PTPRM: variants seen among roughly 807,000 people sequenced by gnomAD.
The protein encoded by PTPRM is protein tyrosine phosphatase receptor type M.
In PTPRM, 47 loss-of-function variants were observed where a neutral mutation model predicts 186.7. The observed-to-expected ratio is 0.25, with a 90% CI of 0.20 to 0.32. The LOEUF (loss-of-function observed/expected upper bound fraction) is 0.32. Ranked by LOEUF, PTPRM falls within the 10% of genes least tolerant of loss-of-function variation. The pLI is 1.00. For missense variants in PTPRM, 1,494 were observed against 1,865.0 expected (o/e 0.80, Z 3.66); for synonymous variants, 668 against 674.9 (o/e 0.99, Z 0.16).
At chr18:8,313,714 AGT>A (rs975314176) in intron 20 of PTPRM, among the ~76,000 whole-genome samples, 1 of 152,074 alleles carries the variant, frequency 6.6e-6, no homozygotes, top group African/African-American at 2.4e-5. Flanking sequence ...CACGGTACCC[AGT>A]GTGTAGTCTT....
chr18:8,392,363 A>G (rs569071316), intron 31 of PTPRM, among the ~76,000 whole-genome samples: 56 of 152,202 alleles, frequency 3.7e-4, no homozygotes, highest in Middle Eastern at 3.4e-3. Context: ...GGTGGCTCAC[A>G]CCTGTAATCC....
At chr18:7,704,740 T>C (rs1422052614) in intron 1 of PTPRM, among the ~76,000 whole-genome samples, 1 of 152,162 alleles carries the variant, frequency 6.6e-6, no homozygotes, top group Non-Finnish European at 1.5e-5. Context: ...TTTATATCAA[T>C]AGGCAATGAA....
At chr18:7,648,592 T>C (rs1051873303) in intron 1 of PTPRM, among the ~76,000 whole-genome samples, 3 of 152,184 alleles carry the variant, frequency 2.0e-5, no homozygotes, top group Non-Finnish European at 4.4e-5. Flanking sequence ...TTATTGCTGA[T>C]ATGGATAATG....
intron 1 of PTPRM, among the ~76,000 whole-genome samples, chr18:7,671,868 A>T (rs895980173): frequency 5.3e-5 from 8 of 152,198 alleles, no homozygotes; most frequent in African/African-American, 1.7e-4. Context: ...CTAAAAATGT[A>T]CAAGTGGTAG....
chr18:7,913,545 G>A (rs529347535), intron 4 of PTPRM, among the ~76,000 whole-genome samples: 8 of 152,010 alleles, frequency 5.3e-5, no homozygotes, highest in African/African-American at 1.4e-4. Flanking sequence ...AATGCTGTTG[G>A]GTTTTAGCAA....
chr18:8,252,546 AGT>A, intron 18 of PTPRM, 47 bp downstream of exon 18: 1 of 1,517,986 alleles, frequency 6.6e-7, no homozygotes, highest in Non-Finnish European at 9.2e-7. Context: ...AGGGAGTGGG[AGT>A]GTGTGTCTTA....
intron 1 of PTPRM, among the ~76,000 whole-genome samples, chr18:7,579,809 A>G (rs940375342): frequency 1.3e-5 from 2 of 152,206 alleles, no homozygotes; most frequent in Non-Finnish European, 2.9e-5. Context: ...TTAGTCCTTT[A>G]CTTCATGTTC....
At chr18:7,906,134 A>G (rs1254660337) in intron 3 of PTPRM, among the ~76,000 whole-genome samples, 1 of 152,116 alleles carries the variant, frequency 6.6e-6, no homozygotes, top group Non-Finnish European at 1.5e-5. Flanking sequence ...TGGTGTCCCC[A>G]TCTTCCACCC....
chr18:7,641,677 T>C (rs2038447302), intron 1 of PTPRM, among the ~76,000 whole-genome samples: 1 of 152,238 alleles, frequency 6.6e-6, no homozygotes, highest in Non-Finnish European at 1.5e-5. Flanking sequence ...AAAATAGTGA[T>C]TAATCAAAGC....
At position 7,652,769 on chromosome 18, in the gene PTPRM, G is replaced by A. The variant is rs915888557; in HGVS notation, c.73+84878G>A. Among the ~76,000 whole-genome samples the A allele has an allele frequency of 4.4e-3, 498 of 113,938 alleles. 3 individuals carry two copies. Among genetic ancestry groups the A allele is most frequent in the African/African-American group, 0.016 (472 of 30,246 alleles). The allele number at this position is 113,938 out of a possible 152,430, so 74.7% of individuals were successfully genotyped here. On this transcript the variant is annotated intron_variant, in intron 1 of 32. Coordinates refer to ENST00000580170, the MANE Select transcript of PTPRM (RefSeq NM_001105244.2). ...GGACTGTTGTGGGGTGGGGGGAGGG[G>A]GGAGGGATAGCATTGGGAGATATAC...
chr18:8,199,380 A>C (rs1438985633), intron 14 of PTPRM, among the ~76,000 whole-genome samples: 1 of 152,154 alleles, frequency 6.6e-6, no homozygotes, highest in Non-Finnish European at 1.5e-5. Flanking sequence ...TTCAGGCTTC[A>C]CAGGTCTTGG....
At chr18:7,681,995 A>G (rs972830986) in intron 1 of PTPRM, among the ~76,000 whole-genome samples, 4 of 152,204 alleles carry the variant, frequency 2.6e-5, no homozygotes, top group African/African-American at 4.8e-5. Flanking sequence ...TAGGAGCACT[A>G]TATCAGTGCT....
At chr18:8,246,597 G>T (rs555871448) in intron 15 of PTPRM, among the ~76,000 whole-genome samples, 42 of 152,166 alleles carry the variant, frequency 2.8e-4, no homozygotes, top group African/African-American at 9.9e-4. Flanking sequence ...TAATAAAAAG[G>T]CTTTATTCTC....
chr18:8,398,808 G>C (rs965576599), intron 32 of PTPRM, among the ~76,000 whole-genome samples: 1 of 151,268 alleles, frequency 6.6e-6, no homozygotes, highest in African/African-American at 2.4e-5. Flanking sequence ...GTCACAAAAG[G>C]CCACATATTC....
At chr18:8,348,042 T>C (rs1435471569) in intron 23 of PTPRM, among the ~76,000 whole-genome samples, 2 of 152,230 alleles carry the variant, frequency 1.3e-5, no homozygotes, top group Admixed American at 1.3e-4. Context: ...TCCTGCACAT[T>C]TGTTTACAGA....
At chr18:8,187,761 G>T (rs1002628307) in intron 14 of PTPRM, among the ~76,000 whole-genome samples, 1 of 152,192 alleles carries the variant, frequency 6.6e-6, no homozygotes, top group Non-Finnish European at 1.5e-5. Context: ...GGCAACCATG[G>T]GGTCTGGAAC....
intron 13 of PTPRM, among the ~76,000 whole-genome samples, chr18:8,142,349 G>A (rs2092785127): frequency 6.6e-6 from 1 of 152,100 alleles, no homozygotes; most frequent in Non-Finnish European, 1.5e-5. Context: ...ACTTCCTGGG[G>A]TCAGTCTAAT....
intron 1 of PTPRM, among the ~76,000 whole-genome samples, chr18:7,681,139 A>AT (rs1242569355): frequency 5.9e-5 from 9 of 151,698 alleles, no homozygotes; most frequent in African/African-American, 1.5e-4. Flanking sequence ...TGTTCTGAGG[A>AT]TTTTTTTTCC....
At chr18:8,367,339 G>A (rs2095636781) in intron 23 of PTPRM, among the ~76,000 whole-genome samples, 2 of 152,230 alleles carry the variant, frequency 1.3e-5, no homozygotes, top group Admixed American at 6.5e-5. Flanking sequence ...TGCTCGGGAG[G>A]GGCCTTGCCC....
Sources: allele counts gnomAD v4.1 joint callset (sites outside exome capture counted in the v4.1 genomes callset), GRCh38; gene constraint gnomAD v4.1.1; transcripts MANE v1.5; gene names NCBI Gene and HGNC (gene_info 2026-07-23, HGNC 2026-07-21).